BAIAP2: variants seen among roughly 807,000 people sequenced by gnomAD.
BAIAP2 encodes BAR/IMD domain-containing adapter protein 2.
Under a neutral mutation model 63.0 loss-of-function variants are expected in BAIAP2, and 18 were observed. That is an observed-to-expected ratio of 0.29 (90% CI 0.20 to 0.42). The LOEUF is 0.42. BAIAP2 is among the 10% of genes least tolerant of loss of function. BAIAP2 has a pLI of 1.00. For missense variants in BAIAP2, 610 were observed against 734.3 expected, an observed-to-expected ratio of 0.83 and a Z score of 1.96; for synonymous variants, 386 against 307.6, an observed-to-expected ratio of 1.25 and a Z score of -2.67.
At chr17:81,088,173 G>T (rs1191173314) in intron 6 of BAIAP2, among the ~76,000 whole-genome samples, 2 of 152,122 alleles carry the variant, frequency 1.3e-5, no homozygotes, top group Non-Finnish European at 2.9e-5. Context: ...CTCCGAGCAG[G>T]TCAGGACAGT....
chr17:81,059,470 CAG>C (rs987776782), intron 3 of BAIAP2, among the ~76,000 whole-genome samples: 9 of 152,178 alleles, frequency 5.9e-5, no homozygotes, highest in African/African-American at 2.2e-4. Flanking sequence ...TCATTAGAGA[CAG>C]GGTCTTGCTC....
chr17:81,053,887 G>A, intron 2 of BAIAP2, 144 bp downstream of exon 2: 1 of 542,676 alleles, frequency 1.8e-6, no homozygotes, highest in Non-Finnish European at 3.2e-6. Context: ...CTCCTGAGCT[G>A]GTAGAACTGT....
intron 6 of BAIAP2, among the ~76,000 whole-genome samples, chr17:81,089,753 G>A (rs886282140): frequency 6.6e-6 from 1 of 152,184 alleles, no homozygotes; most frequent in Non-Finnish European, 1.5e-5. Flanking sequence ...GCTAGTTGCC[G>A]AGGCAAATGG....
intron 6 of BAIAP2, among the ~76,000 whole-genome samples, chr17:81,093,296 C>G (rs371921307): frequency 1.3e-5 from 2 of 152,206 alleles, no homozygotes; most frequent in Non-Finnish European, 2.9e-5. Context: ...TCAGCCAGCT[C>G]TGGAGGCTTC....
rs144642494 is a variant in BAIAP2 at position 81,113,483 on chromosome 17, G to A, written c.1536-2287G>A. On this transcript the variant is annotated intron_variant, in intron 13 of 13. Coordinates refer to ENST00000428708, the MANE Select transcript of BAIAP2 (RefSeq NM_001144888.2). The stretch of plus-strand genomic sequence containing the variant: ...CACTCAGCACAGCGAGCTCCCCGCC[G>A]GCCTCCTGGGCGCGTCTTTCCCAGA... Among the ~76,000 whole-genome samples the A allele has an allele frequency of 2.7e-3, 408 of 152,300 alleles. 1 individual carries two copies. Among genetic ancestry groups the A allele is most frequent in the African/African-American group, 3.4e-3 (142 of 41,570 alleles).
chr17:81,115,959 G>A lies in BAIAP2; in HGVS notation c.*120G>A. Reference sequence around the variant, plus strand: ...ATCCAGGCCCCGGCTGCCTGGTCTTGCCCCACTTGAGTCTGGCCTGGACTG... The same window carrying A: ...ATCCAGGCCCCGGCTGCCTGGTCTTACCCCACTTGAGTCTGGCCTGGACTG... On this transcript the variant is annotated 3_prime_UTR_variant, in exon 14 of 14. Coordinates refer to ENST00000428708, the MANE Select transcript of BAIAP2 (RefSeq NM_001144888.2). 3.3e-6 allele frequency: 5 copies of A among 1,521,984 alleles called. No homozygotes were observed. Among genetic ancestry groups the A allele is most frequent in the Non-Finnish European group, 4.4e-6 (5 of 1,134,944 alleles). The allele number at this position is 1,521,984 out of a possible 1,614,324, so 94.3% of individuals were successfully genotyped here. A position where few individuals can be genotyped will look rare whatever the true frequency, so the allele number is the denominator to read the frequency against.
chr17:81,075,545 C>T (rs1391450194), intron 3 of BAIAP2, among the ~76,000 whole-genome samples: 4 of 152,234 alleles, frequency 2.6e-5, no homozygotes, highest in Admixed American at 1.3e-4. Flanking sequence ...GCTCACTAGA[C>T]GCGGCTGTGT....
intron 6 of BAIAP2, chr17:81,098,081 C>A: frequency 7.6e-7 from 1 of 1,321,082 alleles, no homozygotes; most frequent in Non-Finnish European, 9.7e-7. Flanking sequence ...CCCAGGCCAG[C>A]TGGGGTCATG....
intron 6 of BAIAP2, among the ~76,000 whole-genome samples, chr17:81,091,648 C>T (rs2056791933): frequency 6.6e-6 from 1 of 152,216 alleles, no homozygotes; most frequent in Non-Finnish European, 1.5e-5. Flanking sequence ...GGAGTCTGGC[C>T]CATTCGGGCT....
At chr17:81,107,016 G>A (rs1267235037) in intron 12 of BAIAP2, 109 bp downstream of exon 12, 2 of 1,326,144 alleles carry the variant, frequency 1.5e-6, no homozygotes, top group East Asian at 2.6e-5. Flanking sequence ...TGGGGGTCTG[G>A]GTCTTTGGAC....
intron 9 of BAIAP2, 107 bp from the exon 10 acceptor site, chr17:81,104,407 C>T (rs575644921): frequency 1.6e-6 from 2 of 1,269,348 alleles, no homozygotes; most frequent in Admixed American, 2.2e-5. Flanking sequence ...CCCACTTACC[C>T]ACCTGGGGCA....
rs114244417 is a variant in BAIAP2 at position 81,082,585 on chromosome 17, G to A, written c.218-2247G>A. Among the ~76,000 whole-genome samples the A allele has an allele frequency of 2.0e-3, 312 of 152,318 alleles. 1 individual carries two copies. Among genetic ancestry groups the A allele is most frequent in the African/African-American group, 7.0e-3 (292 of 41,578 alleles). Reference sequence around the variant, plus strand: ...AGCCAGGCCTAGCACTACTTTTAGCGGGACACGTGTCACAGGAGCCAGGTG... The same window carrying A: ...AGCCAGGCCTAGCACTACTTTTAGCAGGACACGTGTCACAGGAGCCAGGTG... On this transcript the variant is annotated intron_variant, in intron 3 of 13. Transcript: ENST00000428708.
At chr17:81,036,787 AG>A in intron 1 of BAIAP2, 1 of 1,269,652 alleles carries the variant, frequency 7.9e-7, no homozygotes, top group Non-Finnish European at 1.1e-6. Context: ...GCTCTGTGGA[AG>A]CACATGTTGT....
chr17:81,098,578 G>T (rs1053577425), intron 6 of BAIAP2, among the ~76,000 whole-genome samples: 8 of 152,202 alleles, frequency 5.3e-5, no homozygotes, highest in African/African-American at 1.7e-4. Flanking sequence ...CCAAACTAAA[G>T]CTCTTAGTAC....
intron 3 of BAIAP2, among the ~76,000 whole-genome samples, chr17:81,068,040 T>G (rs1189116879): frequency 6.6e-6 from 1 of 152,208 alleles, no homozygotes; most frequent in Admixed American, 6.5e-5. Flanking sequence ...CTCAGGAGCC[T>G]CTGTGGGCAG....
intron 1 of BAIAP2, among the ~76,000 whole-genome samples, chr17:81,039,573 T>C (rs921729482): frequency 1.3e-5 from 2 of 152,094 alleles, no homozygotes; most frequent in African/African-American, 4.8e-5. Flanking sequence ...GTTGGGGAGA[T>C]TGGTTGGCTC....
At chr17:81,084,746 G>A in intron 3 of BAIAP2, 86 bp from the exon 4 acceptor site, 1 of 1,370,044 alleles carries the variant, frequency 7.3e-7, no homozygotes, top group Non-Finnish European at 1.0e-6. Flanking sequence ...GGGCTTCCCT[G>A]GGTGGCTGTC....
chr17:81,106,428 TC>T (rs915050907), intron 11 of BAIAP2, among the ~76,000 whole-genome samples: 1 of 152,106 alleles, frequency 6.6e-6, no homozygotes, highest in Non-Finnish European at 1.5e-5. Flanking sequence ...GACCTGGCTG[TC>T]CCAGGTCCTC....
At chr17:81,075,576 T>C (rs2053525819) in intron 3 of BAIAP2, among the ~76,000 whole-genome samples, 1 of 152,204 alleles carries the variant, frequency 6.6e-6, no homozygotes, top group African/African-American at 2.4e-5. Context: ...CCTGCCTCCT[T>C]GTGGCCCTAA....
Sources: allele counts gnomAD v4.1 joint callset (sites outside exome capture counted in the v4.1 genomes callset), GRCh38; gene constraint gnomAD v4.1.1; transcripts MANE v1.5; gene names NCBI Gene and HGNC (gene_info 2026-07-23, HGNC 2026-07-21).